The following GFI1B variants were observed in gnomAD, a reference collection of about 807,000 sequenced individuals.
GFI1B encodes growth factor independent 1B transcriptional repressor, also known as zinc finger protein Gfi-1b.
GFI1B carries 20 observed loss-of-function variants against 35.3 expected under a neutral mutation model. The observed-to-expected ratio is 0.57, with a 90% CI of 0.40 to 0.82. The LOEUF is 0.82. GFI1B is among the 40% of genes least tolerant of loss of function. The pLI, the probability that GFI1B is intolerant of heterozygous loss-of-function variation, is 0.00. For missense variants in GFI1B, 430 were observed against 446.3 expected (o/e 0.96, Z 0.33); for synonymous variants, 178 against 177.6 (o/e 1.00, Z -0.02).
At chr9:132,950,931 G>T (rs548100777) in intron 1 of GFI1B, among the ~76,000 whole-genome samples, 2 of 151,826 alleles carry the variant, frequency 1.3e-5, no homozygotes, top group Non-Finnish European at 2.9e-5. Flanking sequence ...TTGACCTCCC[G>T]GGCTCAGACC....
At chr9:132,970,433 G>T (rs886811072) in intron 1 of GFI1B, among the ~76,000 whole-genome samples, 2 of 152,088 alleles carry the variant, frequency 1.3e-5, no homozygotes, top group African/African-American at 4.8e-5. Context: ...GAACACACAC[G>T]CACGCATGCA....
intron 1 of GFI1B, among the ~76,000 whole-genome samples, chr9:132,950,928 C>G (rs1302849364): frequency 6.6e-6 from 1 of 152,010 alleles, no homozygotes; most frequent in Non-Finnish European, 1.5e-5. Flanking sequence ...GCCTTGACCT[C>G]CCGGGCTCAG....
At chr9:132,968,920 G>T (rs116113644) in intron 1 of GFI1B, among the ~76,000 whole-genome samples, 2,042 of 152,178 alleles carry the variant, frequency 0.013, 57 homozygotes, top group African/African-American at 0.047. Context: ...CCATCTCCAG[G>T]ACTTTTTCAT....
At chr9:132,975,756 T>G (rs1848618530), upstream of GFI1B, among the ~76,000 whole-genome samples, 1 of 152,174 alleles carries the variant, frequency 6.6e-6, no homozygotes, top group Admixed American at 6.5e-5. Flanking sequence ...ATGAATAAAC[T>G]GATGAATGGG....
intron 1 of GFI1B, among the ~76,000 whole-genome samples, chr9:132,971,293 C>T (rs1848528715): frequency 6.6e-6 from 1 of 152,220 alleles, no homozygotes; most frequent in African/African-American, 2.4e-5. Flanking sequence ...TGTACTTCAC[C>T]TGCACCCAGA....
chr9:132,980,087 C>T (rs1848766998), intron 1 of GFI1B, among the ~76,000 whole-genome samples: 2 of 152,236 alleles, frequency 1.3e-5, no homozygotes, highest in Admixed American at 1.3e-4. Context: ...TCCCCTTGCT[C>T]TTTCTGTCAG....
At chr9:132,955,450 C>T (rs1401698349) in intron 1 of GFI1B, among the ~76,000 whole-genome samples, 1 of 152,078 alleles carries the variant, frequency 6.6e-6, no homozygotes, top group Non-Finnish European at 1.5e-5. Context: ...TCACCATGAC[C>T]AGCTACTTTT....
intron 1 of GFI1B, among the ~76,000 whole-genome samples, chr9:132,982,263 C>T (rs888702778): frequency 6.6e-6 from 1 of 152,172 alleles, no homozygotes; most frequent in Non-Finnish European, 1.5e-5. Flanking sequence ...CCCAACCGTC[C>T]CTTTTAAGAG....
chr9:132,991,521 C>G lies in GFI1B; in HGVS notation c.*471C>G, dbSNP rs939799890. 4 of 180,160 alleles carry G rather than the reference C, an allele frequency of 2.2e-5. No homozygotes were observed. Among genetic ancestry groups the G allele is most frequent in the Admixed American group, 2.2e-4 (4 of 18,242 alleles). The allele number at this position is 180,160 out of a possible 1,614,324, so 11.2% of individuals were successfully genotyped here. ...CACCCCAGTCAGAAGCCTGGCACCCCCTCTGCTTCGGCCAGATGTGCTGGC... is the reference window on the plus strand; with the variant it reads ...CACCCCAGTCAGAAGCCTGGCACCCGCTCTGCTTCGGCCAGATGTGCTGGC... On this transcript the variant is annotated 3_prime_UTR_variant, in exon 7 of 7. Transcript: ENST00000372122.
chr9:132,980,382 C>A (rs1290070534), intron 1 of GFI1B, among the ~76,000 whole-genome samples: 1 of 152,220 alleles, frequency 6.6e-6, no homozygotes, highest in Non-Finnish European at 1.5e-5. Flanking sequence ...CAAACACCAC[C>A]CCCTCTTAGT....
At position 132,978,844 on chromosome 9, in the gene GFI1B, G is replaced by A. The variant is rs1404053129; in HGVS notation, c.-21+3G>A. The A allele has an allele frequency of 6.6e-6, 1 of 152,300 alleles. No homozygotes were observed. Among genetic ancestry groups the A allele is most frequent in the Non-Finnish European group, 1.5e-5 (1 of 68,072 alleles). The allele number at this position is 152,300 out of a possible 1,614,324, so 9.4% of individuals were successfully genotyped here. ...AGGCGAGGGACAGCTCCGGACAGGT[G>A]AGTGCTGGAGGATGCGTTTCTACGC... On this transcript the variant is annotated splice_donor_region_variant and intron_variant, in intron 1 of 6. Coordinates refer to ENST00000372122, the MANE Select transcript of GFI1B (RefSeq NM_001377304.1).
rs576456209 is a variant in GFI1B at position 132,948,396 on chromosome 9, T to C, written c.-701+2727T>C. On this transcript the variant is annotated intron_variant, in intron 1 of 10. Coordinates refer to the GFI1B transcript ENST00000339463. Reference sequence around the variant, plus strand: ...CCCTGAAACCAGCTTTGCCCTGGCCTTCCAAGTTCCATGAAGCAATAACTA... The same window carrying C: ...CCCTGAAACCAGCTTTGCCCTGGCCCTCCAAGTTCCATGAAGCAATAACTA... Among the ~76,000 whole-genome samples the C allele has an allele frequency of 6.6e-5, 10 of 152,298 alleles. No homozygotes were observed. In the South Asian group the frequency reaches 2.1e-3, roughly 32 times the overall value.
Position 132,989,136 on chromosome 9 carries a change from A to G in GFI1B, c.586A>G (p.Ile196Val), listed in dbSNP as rs754483976. The G allele has an allele frequency of 6.2e-6, 10 of 1,613,888 alleles. No individual in the cohort carries two copies. The South Asian group carries it at 8.8e-5, about 14-fold the overall frequency. ...HSGTRPFACDICGKTFGHAVS... is the reference protein window; with the variant it reads ...HSGTRPFACDVCGKTFGHAVS... ...TGGGACCCGGCCCTTCGCCTGTGACATCTGCGGCAAAACCTTCGGCCACGC... is the reference window on the plus strand; with the variant it reads ...TGGGACCCGGCCCTTCGCCTGTGACGTCTGCGGCAAAACCTTCGGCCACGC... The change falls in exon 5 of 7, where the codon ATC (isoleucine) becomes GTC (valine). Residue 196 changes from isoleucine (I) to valine (V), a missense_variant. Transcript: ENST00000372122. The surrounding 1 kb of genome is among the most constrained non-coding windows in gnomAD (Gnocchi z 6.2).
chr9:132,961,591 A>ATTTT (rs1171494542), intron 1 of GFI1B, among the ~76,000 whole-genome samples: 1 of 135,180 alleles, frequency 7.4e-6, no homozygotes, highest in Non-Finnish European at 1.6e-5. Context: ...AATACCTCTC[A>ATTTT]TTTTTTTTTT....
At chr9:132,977,112 C>G (rs1159135823), upstream of GFI1B, among the ~76,000 whole-genome samples, 1 of 152,174 alleles carries the variant, frequency 6.6e-6, no homozygotes, top group Admixed American at 6.5e-5. Flanking sequence ...CATGTGCCAC[C>G]ACACCCAGCT....
At position 132,989,198 on chromosome 9, in the gene GFI1B, G is replaced by C. The variant is rs373796028; in HGVS notation, c.648G>C (p.Gln216His). ...AGCAGCACACGCACGTCCACTCCCA[G>C]GTGGGCACCTGGCCCAGCGCAGGAC... Reference protein sequence around the residue: ...SLEQHTHVHSQERSFECRMCG... With the variant: ...SLEQHTHVHSHERSFECRMCG... Residue 216 changes from glutamine to histidine, a missense_variant and splice_region_variant, in exon 5 of 7, where the codon CAG becomes CAC. Gln to His is a conservative substitution (Grantham distance 24). Coordinates refer to ENST00000372122, the MANE Select transcript of GFI1B (RefSeq NM_001377304.1). This position sits in a 1 kb window ranked among gnomAD's most constrained non-coding sequence, Gnocchi z 6.2. The C allele has an allele frequency of 1.1e-5, 17 of 1,612,430 alleles. No homozygotes were observed. The African/African-American group carries it at 2.3e-4, about 22-fold the overall frequency.
At chr9:132,951,488 T>A (rs998253447) in intron 1 of GFI1B, 2 of 152,248 alleles carry the variant, frequency 1.3e-5, no homozygotes, top group Non-Finnish European at 2.9e-5. Context: ...TTCTCCCAGT[T>A]TATTATCTCC....
intron 1 of GFI1B, among the ~76,000 whole-genome samples, chr9:132,955,344 C>CG (rs1049158350): frequency 6.6e-6 from 1 of 151,984 alleles, no homozygotes; most frequent in African/African-American, 2.4e-5. Flanking sequence ...GGATGGAGTG[C>CG]AGTGGTGTGT....
chr9:132,970,493 C>G (rs1848517372), intron 1 of GFI1B, among the ~76,000 whole-genome samples: 1 of 152,158 alleles, frequency 6.6e-6, no homozygotes, highest in Non-Finnish European at 1.5e-5. Context: ...CACAGAGTTG[C>G]ATGCATCCAT....
Sources: allele counts gnomAD v4.1 joint callset (sites outside exome capture counted in the v4.1 genomes callset), GRCh38; gene constraint gnomAD v4.1.1; non-coding constraint Gnocchi (gnomAD v3.1); transcripts MANE v1.5; gene names NCBI Gene and HGNC (gene_info 2026-07-23, HGNC 2026-07-21).